The following RPS29 variants were observed in gnomAD, a reference collection of about 807,000 sequenced individuals.
The protein encoded by RPS29 is ribosomal protein S29.
For synonymous variants in RPS29, 37 were observed against 26.9 expected (o/e 1.37, Z -1.16); for missense variants, 60 against 75.7 (o/e 0.79, Z 0.77).
Position 49,592,745 on chromosome 14 carries a change from C to T in RPS29, c.-133+5655G>A, listed in dbSNP as rs969617909. On this transcript the variant is annotated intron_variant, in intron 1 of 3. Coordinates refer to the RPS29 transcript ENST00000556230. ...CCAACATGGAGAAACCACGTGTCTA[C>T]GAAAAACACAAAATTAGCCCGGCGT... 4.7e-5 allele frequency among the ~76,000 whole-genome samples: 7 copies of T among 150,428 alleles called. No individual in the cohort carries two copies. The East Asian group carries it at 1.0e-3, about 21-fold the overall frequency.
At chr14:49,589,084 A>G (rs1881658154), upstream of RPS29, among the ~76,000 whole-genome samples, 2 of 151,694 alleles carry the variant, frequency 1.3e-5, no homozygotes, top group South Asian at 4.2e-4. Context: ...TAGTAGAGAC[A>G]GGGTTTCACC....
intron 2 of RPS29, among the ~76,000 whole-genome samples, chr14:49,584,204 G>T (rs1208957659): frequency 2.6e-5 from 4 of 152,300 alleles, no homozygotes; most frequent in African/African-American, 9.6e-5. Context: ...GAAACCCTGG[G>T]CTCAAGAAAT....
chr14:49,582,012 C>CACAA (rs1881351521), downstream of RPS29, among the ~76,000 whole-genome samples: 1 of 106,534 alleles, frequency 9.4e-6, no homozygotes, highest in African/African-American at 4.5e-5. Context: ...CCCTGCCCCC[C>CACAA]AAAAAAAAAA....
upstream of RPS29, chr14:49,586,713 T>G: frequency 7.7e-6 from 2 of 259,038 alleles, no homozygotes; most frequent in Non-Finnish European, 1.6e-5. Context: ...GGCATCAATA[T>G]GGTGACCTCC....
At chr14:49,589,740 C>A (rs997461116), upstream of RPS29, among the ~76,000 whole-genome samples, 2 of 152,180 alleles carry the variant, frequency 1.3e-5, no homozygotes, top group African/African-American at 4.8e-5. Context: ...TATGTATGTT[C>A]ATCGCAGCAC....
chr14:49,585,973 C>A lies in RPS29; in HGVS notation c.139G>T (p.Ala47Ser), dbSNP rs1484307775. ...NMCRQCFRQY[A>S]KDIGFIKLD ...ACCTTAATGAAACCGATATCCTTCG[C>A]GTACTGACGGAAACACTGGCGGCAC... Residue 47 changes from alanine to serine, a missense_variant, in exon 2 of 3, where the codon GCG becomes TCG. Coordinates refer to ENST00000245458, the MANE Select transcript of RPS29 (RefSeq NM_001032.5). 6.2e-7 allele frequency: 1 copy of A among 1,613,708 alleles called. No individual in the cohort carries two copies. Among genetic ancestry groups the A allele is most frequent in the African/African-American group, 1.3e-5 (1 of 74,928 alleles).
At chr14:49,590,475 C>T (rs535257242), upstream of RPS29, among the ~76,000 whole-genome samples, 3 of 147,558 alleles carry the variant, frequency 2.0e-5, no homozygotes, top group African/African-American at 5.0e-5. Context: ...GATTCCGTCT[C>T]AAAAAAAAAC....
upstream of RPS29, chr14:49,586,771 A>C: frequency 4.3e-6 from 1 of 230,730 alleles, no homozygotes; most frequent in African/African-American, 2.2e-5. Flanking sequence ...GAACCGGCCC[A>C]GGTCGGAAAC....
upstream of RPS29, chr14:49,586,441 CA>C: frequency 9.1e-7 from 1 of 1,095,592 alleles, no homozygotes; most frequent in Non-Finnish European, 1.4e-6. Context: ...ATGCAGTGCT[CA>C]AAGGAAACGC....
At chr14:49,577,514 A>T (rs1881216356) in exon 3 of RPS29, 6 of 550,388 alleles carry the variant, frequency 1.1e-5, no homozygotes, top group Non-Finnish European at 1.7e-5. Flanking sequence ...ATCTCAACAC[A>T]GTAAGATTTG....
At chr14:49,585,716 G>GGTAAAAAAGGGAGTAGGAAAGACT in intron 2 of RPS29, 1 of 518,882 alleles carries the variant, frequency 1.9e-6, no homozygotes, top group Non-Finnish European at 3.4e-6. Context: ...AAGCTATCTA[G>GGTAAAAAAGGGAGTAGGAAAGACT]GTAAAAAAGG....
At chr14:49,590,175 A>C (rs562770164), upstream of RPS29, among the ~76,000 whole-genome samples, 2 of 152,188 alleles carry the variant, frequency 1.3e-5, no homozygotes, top group African/African-American at 4.8e-5. Context: ...CTTGAAACTA[A>C]AAGTTTTTTT....
At chr14:49,594,765 C>G (rs1881784208) in intron 1 of RPS29, among the ~76,000 whole-genome samples, 1 of 152,220 alleles carries the variant, frequency 6.6e-6, no homozygotes, top group Non-Finnish European at 1.5e-5. Flanking sequence ...CAGACATATA[C>G]ATATATTTCT....
downstream of RPS29, among the ~76,000 whole-genome samples, chr14:49,582,301 T>C (rs1245429402): frequency 6.6e-6 from 1 of 152,130 alleles, no homozygotes; most frequent in Non-Finnish European, 1.5e-5. Context: ...CATCTCACAA[T>C]ATCTAACTAT....
intron 1 of RPS29, chr14:49,592,136 A>G (rs1390934262): frequency 2.0e-5 from 3 of 152,096 alleles, no homozygotes; most frequent in African/African-American, 4.8e-5. Context: ...TATAAGATGC[A>G]AAGTTATTTT....
At chr14:49,591,783 G>A (rs1881717180) in intron 1 of RPS29, among the ~76,000 whole-genome samples, 1 of 151,744 alleles carries the variant, frequency 6.6e-6, no homozygotes, top group African/African-American at 2.4e-5. Context: ...ACCATGGCTG[G>A]CTAATTTTTT....
chr14:49,586,616 C>G, upstream of RPS29: 3 of 484,568 alleles, frequency 6.2e-6, no homozygotes, highest in Non-Finnish European at 7.6e-6. Context: ...GTCCCAGCTA[C>G]TCGGGAGGCT....
exon 3 of RPS29, chr14:49,571,479 C>T (rs1881053605): frequency 6.6e-6 from 1 of 152,156 alleles, no homozygotes; most frequent in Non-Finnish European, 1.5e-5. Flanking sequence ...TCTTGGATCA[C>T]ACCTGAATTT....
exon 3 of RPS29, chr14:49,577,567 A>T (rs1881218350): frequency 3.1e-6 from 2 of 636,948 alleles, no homozygotes; most frequent in Non-Finnish European, 5.6e-6. Context: ...GTTGTGGACC[A>T]GGAACTTCCA....
Sources: gnomAD v4.1 joint callset for allele counts (sites outside exome capture counted in the v4.1 genomes callset) on GRCh38, gnomAD v4.1.1 for gene constraint, MANE v1.5 for transcripts, NCBI Gene and HGNC (gene_info 2026-07-23, HGNC 2026-07-21) for gene names.